STAC: variants seen among roughly 807,000 people sequenced by gnomAD.
The protein encoded by STAC is SH3 and cysteine rich domain.
Under a neutral mutation model 48.8 loss-of-function variants are expected in STAC, and 43 were observed. The observed-to-expected ratio is 0.88, with a 90% CI of 0.69 to 1.14. The LOEUF (loss-of-function observed/expected upper bound fraction) is 1.14, where lower values mean the gene tolerates loss of function less well. Among genes scored for constraint, STAC ranks in the 50% most tolerant of loss-of-function variants. The probability of loss-of-function intolerance (pLI) is 0.00; values close to 1 mark genes in which losing one functional copy is unlikely to be tolerated. For synonymous variants in STAC, 193 were observed against 179.5 expected, an observed-to-expected ratio of 1.07 and a Z score of -0.60; for missense variants, 497 against 504.0, an observed-to-expected ratio of 0.99 and a Z score of 0.13.
intron 1 of STAC, among the ~76,000 whole-genome samples, chr3:36,398,347 G>GAAAGAAAGAAAGAAAGAAAAAAAA (rs1559476957): frequency 7.6e-6 from 1 of 130,940 alleles, no homozygotes; most frequent in African/African-American, 2.8e-5. Flanking sequence ...AAGAAAGAAA[G>GAAAGAAAGAAAGAAAGAAAAAAAA]AAAGAAAGAA....
intron 1 of STAC, among the ~76,000 whole-genome samples, chr3:36,385,980 C>A (rs562303308): frequency 6.6e-6 from 1 of 152,156 alleles, no homozygotes; most frequent in South Asian, 2.1e-4. Flanking sequence ...CTTTGTGGCA[C>A]ATATGAAGCT....
chr3:36,429,669 C>T (rs1575192856), intron 1 of STAC, among the ~76,000 whole-genome samples: 3 of 152,176 alleles, frequency 2.0e-5, no homozygotes, highest in African/African-American at 7.2e-5. Flanking sequence ...GAGTATGTGC[C>T]CCCACTTCTC....
chr3:36,417,348 GT>G (rs1428656844), intron 1 of STAC, among the ~76,000 whole-genome samples: 2 of 152,050 alleles, frequency 1.3e-5, no homozygotes, highest in African/African-American at 4.8e-5. Context: ...CCTTCTTCCT[GT>G]CTATGTAGCA....
chr3:36,467,799 T>C (rs568645251), intron 2 of STAC, among the ~76,000 whole-genome samples: 51 of 152,204 alleles, frequency 3.4e-4, no homozygotes, highest in African/African-American at 1.2e-3. Context: ...TTTTGTTTCA[T>C]TTACCTTTTG....
intron 1 of STAC, among the ~76,000 whole-genome samples, chr3:36,435,891 C>T (rs1439656101): frequency 4.6e-5 from 7 of 152,206 alleles, no homozygotes; most frequent in African/African-American, 1.7e-4. Context: ...TCCTTCCTCA[C>T]CAGCCTTTCC....
intron 2 of STAC, among the ~76,000 whole-genome samples, chr3:36,471,154 A>G (rs565616531): frequency 6.6e-6 from 1 of 152,320 alleles, no homozygotes; most frequent in East Asian, 1.9e-4. Flanking sequence ...AGGAGGCAAA[A>G]GGCACTTCTT....
chr3:36,524,085 A>G (rs1698868461), intron 8 of STAC, among the ~76,000 whole-genome samples: 1 of 152,048 alleles, frequency 6.6e-6, no homozygotes, highest in Non-Finnish European at 1.5e-5. Flanking sequence ...ATTAATTTGA[A>G]TAATTTTCAC....
chr3:36,535,123 T>C (rs1045398796), intron 10 of STAC, among the ~76,000 whole-genome samples: 1 of 152,168 alleles, frequency 6.6e-6, no homozygotes, highest in African/African-American at 2.4e-5. Flanking sequence ...TGCTTTTCCA[T>C]TTGTTTGTGT....
intron 2 of STAC, among the ~76,000 whole-genome samples, chr3:36,462,518 T>A (rs902465125): frequency 2.0e-5 from 3 of 152,064 alleles, no homozygotes; most frequent in African/African-American, 7.2e-5. Context: ...AGAGGACCAA[T>A]GACTGAGCCC....
At chr3:36,524,395 C>G (rs373720489) in intron 8 of STAC, among the ~76,000 whole-genome samples, 5 of 152,126 alleles carry the variant, frequency 3.3e-5, no homozygotes, top group African/African-American at 1.2e-4. Flanking sequence ...AGTTCGAGAC[C>G]AGCCTGGCCA....
At chr3:36,506,918 C>A (rs989381590) in intron 8 of STAC, among the ~76,000 whole-genome samples, 1 of 152,162 alleles carries the variant, frequency 6.6e-6, no homozygotes, top group Admixed American at 6.6e-5. Context: ...TGCTTTATTT[C>A]TTTCTGTTGC....
At chr3:36,535,825 A>G (rs1385349532) in intron 10 of STAC, among the ~76,000 whole-genome samples, 3 of 152,204 alleles carry the variant, frequency 2.0e-5, no homozygotes, top group Non-Finnish European at 4.4e-5. Context: ...AGCCAACTTG[A>G]TCATGGTGAA....
intron 2 of STAC, among the ~76,000 whole-genome samples, chr3:36,456,322 T>C (rs1696853995): frequency 6.6e-6 from 1 of 152,188 alleles, no homozygotes; most frequent in Non-Finnish European, 1.5e-5. Context: ...TGCCTGATGT[T>C]ATCCTAATAT....
chr3:36,528,922 T>C lies in STAC; in HGVS notation c.1047T>C (p.Phe349=). 6.2e-7 allele frequency: 1 copy of C among 1,613,830 alleles called. No individual in the cohort carries two copies. Among genetic ancestry groups the C allele is most frequent in the Non-Finnish European group, 8.5e-7 (1 of 1,179,870 alleles). ...GACTACAACAAAATGAGAAGATTTTTAGATGTGTTAGAACCTTCATTGGGT... is the reference window on the plus strand; with the variant it reads ...GACTACAACAAAATGAGAAGATTTTCAGATGTGTTAGAACCTTCATTGGGT... ...VQRLQQNEKI[F]RCVRTFIGCK... is the part of the protein sequence containing the mutation. The change falls in exon 10 of 11, where the codon TTT becomes TTC. Residue 349 remains phenylalanine (F), a synonymous_variant. Coordinates refer to ENST00000273183, the MANE Select transcript of STAC (RefSeq NM_003149.3).
intron 7 of STAC, 125 bp from the exon 8 acceptor site, chr3:36,505,621 A>G: frequency 1.6e-6 from 1 of 625,876 alleles, no homozygotes; most frequent in South Asian, 2.2e-5. Context: ...TAATGGTTAG[A>G]TAACACTTAC....
intron 10 of STAC, among the ~76,000 whole-genome samples, chr3:36,541,173 G>A (rs1279955483): frequency 6.6e-6 from 1 of 151,370 alleles, no homozygotes; most frequent in Non-Finnish European, 1.5e-5. Context: ...TCTTTTAATA[G>A]GGGGGAAGAA....
intron 2 of STAC, among the ~76,000 whole-genome samples, chr3:36,473,895 T>G (rs78250248): frequency 6.6e-6 from 1 of 152,114 alleles, no homozygotes; most frequent in African/African-American, 2.4e-5. Context: ...TCAATATCAT[T>G]TTAAAAAACA....
intron 10 of STAC, among the ~76,000 whole-genome samples, chr3:36,544,396 C>T (rs1249209985): frequency 1.3e-5 from 2 of 152,184 alleles, no homozygotes; most frequent in African/African-American, 4.8e-5. Flanking sequence ...TCATGAACTC[C>T]TGACCCCAAG....
chr3:36,501,891 T>C (rs1199913972), intron 6 of STAC, among the ~76,000 whole-genome samples: 3 of 152,160 alleles, frequency 2.0e-5, no homozygotes, highest in Non-Finnish European at 2.9e-5. Flanking sequence ...TTCTCTTGAA[T>C]ACAGATGCAG....
Sources: allele counts gnomAD v4.1 joint callset (sites outside exome capture counted in the v4.1 genomes callset), GRCh38; gene constraint gnomAD v4.1.1; transcripts MANE v1.5; gene names NCBI Gene and HGNC (gene_info 2026-07-23, HGNC 2026-07-21).